Variants in RUNX1 observed in about 807,000 individuals in gnomAD.
RUNX1 encodes the protein RUNX family transcription factor 1, also known as runt-related transcription factor 1.
A neutral mutation model predicts 42.8 loss-of-function variants in RUNX1; 19 were observed. The observed-to-expected ratio is 0.44, with a 90% CI of 0.31 to 0.65. The LOEUF is 0.65. Among genes scored for constraint, RUNX1 ranks in the 30% least tolerant of loss-of-function variants. RUNX1 has a pLI of 0.07. For synonymous variants in RUNX1, 271 were observed against 289.4 expected (o/e 0.94, Z 0.64); for missense variants, 528 against 672.0 (o/e 0.79, Z 2.37).
chr21:35,001,479 T>G (rs2146876938), intron 2 of RUNX1, among the ~76,000 whole-genome samples: 1 of 152,158 alleles, frequency 6.6e-6, no homozygotes, highest in African/African-American at 2.4e-5. Context: ...TAAATATGCA[T>G]TAGGAGTAGA....
At chr21:35,028,946 A>G (rs1212437545) in intron 2 of RUNX1, among the ~76,000 whole-genome samples, 2 of 152,036 alleles carry the variant, frequency 1.3e-5, no homozygotes, top group Non-Finnish European at 2.9e-5. Context: ...GGGAGTGTAG[A>G]CCCCTAGCTC....
At chr21:35,032,582 G>A (rs2059280648) in intron 2 of RUNX1, among the ~76,000 whole-genome samples, 1 of 152,162 alleles carries the variant, frequency 6.6e-6, no homozygotes, top group Admixed American at 6.5e-5. Context: ...TCAATTTAAA[G>A]CCTGAGCCAA....
At chr21:34,829,774 AT>A (rs2057037506) in intron 7 of RUNX1, 1 of 152,216 alleles carries the variant, frequency 6.6e-6, no homozygotes, top group Non-Finnish European at 1.5e-5. Flanking sequence ...CAAACTTCAA[AT>A]TGCTAGAAGA....
intron 2 of RUNX1, among the ~76,000 whole-genome samples, chr21:34,926,232 T>C (rs1196487541): frequency 6.6e-6 from 1 of 151,932 alleles, no homozygotes; most frequent in African/African-American, 2.4e-5. Flanking sequence ...CCCAGCATTT[T>C]GTGAGGTCGA....
At chr21:35,032,657 T>TTCTCCTTGTGGGAAGG (rs1332942610) in intron 2 of RUNX1, among the ~76,000 whole-genome samples, 10 of 152,228 alleles carry the variant, frequency 6.6e-5, no homozygotes, top group African/African-American at 2.4e-4. Flanking sequence ...CCTTGCACAC[T>TTCTCCTTGTGGGAAGG]TGTCCAGCTT....
chr21:34,876,394 G>A (rs375482960), intron 5 of RUNX1, among the ~76,000 whole-genome samples: 1 of 152,152 alleles, frequency 6.6e-6, no homozygotes, highest in East Asian at 1.9e-4. Flanking sequence ...TCATTTTCAG[G>A]TGTCTACTAT....
At chr21:34,969,623 T>C (rs902857636) in intron 2 of RUNX1, among the ~76,000 whole-genome samples, 2 of 151,946 alleles carry the variant, frequency 1.3e-5, no homozygotes, top group Non-Finnish European at 2.9e-5. Flanking sequence ...TCTCAGTGAC[T>C]CTCCTGCATG....
At chr21:34,821,603 T>C in intron 7 of RUNX1, 3 of 1,547,604 alleles carry the variant, frequency 1.9e-6, no homozygotes, top group Non-Finnish European at 2.6e-6. Flanking sequence ...CTTCTGAGGA[T>C]GAGATGGAAA....
At chr21:34,869,633 G>A (rs1467376601) in intron 5 of RUNX1, among the ~76,000 whole-genome samples, 8 of 152,154 alleles carry the variant, frequency 5.3e-5, no homozygotes, top group African/African-American at 1.7e-4. Context: ...AGAAAAATAT[G>A]CATGGATGTT....
At chr21:34,882,693 T>C (rs915550015) in intron 4 of RUNX1, among the ~76,000 whole-genome samples, 78 of 83,468 alleles carry the variant, frequency 9.3e-4, no homozygotes, top group African/African-American at 4.6e-3. Context: ...TGCTACTGTT[T>C]TTTTTTTTTT....
At chr21:34,863,742 G>C (rs2057613965) in intron 5 of RUNX1, among the ~76,000 whole-genome samples, 1 of 151,918 alleles carries the variant, frequency 6.6e-6, no homozygotes, top group Non-Finnish European at 1.5e-5. Context: ...TTTTAGTAGA[G>C]ATGGGGTTTC....
chr21:34,833,291 AGTTG>A (rs2057090904), intron 7 of RUNX1: 1 of 152,164 alleles, frequency 6.6e-6, no homozygotes, highest in Non-Finnish European at 1.5e-5. Context: ...TTTTTAGTAG[AGTTG>A]GGGTTTCACC....
At chr21:35,001,525 AC>A (rs1347424178) in intron 2 of RUNX1, among the ~76,000 whole-genome samples, 1 of 152,094 alleles carries the variant, frequency 6.6e-6, no homozygotes, top group East Asian at 1.9e-4. Context: ...ATATATAGAA[AC>A]CCACAACTAA....
At chr21:34,933,186 T>C (rs1167576856) in intron 2 of RUNX1, among the ~76,000 whole-genome samples, 1 of 152,196 alleles carries the variant, frequency 6.6e-6, no homozygotes, top group African/African-American at 2.4e-5. Context: ...GTTGGGAACA[T>C]CTCGATGGTG....
chr21:35,031,628 G>A (rs746956930), intron 2 of RUNX1, among the ~76,000 whole-genome samples: 10 of 152,088 alleles, frequency 6.6e-5, no homozygotes, highest in East Asian at 1.9e-4. Flanking sequence ...AGTGTCCATC[G>A]ACAGATGAAT....
At chr21:35,022,198 G>A (rs963854430) in intron 2 of RUNX1, among the ~76,000 whole-genome samples, 4 of 152,198 alleles carry the variant, frequency 2.6e-5, no homozygotes, top group African/African-American at 9.7e-5. Flanking sequence ...GCAGCACCGG[G>A]CAAAGGAATG....
chr21:34,945,632 C>T (rs2058558459), intron 2 of RUNX1, among the ~76,000 whole-genome samples: 1 of 152,220 alleles, frequency 6.6e-6, no homozygotes, highest in Non-Finnish European at 1.5e-5. Flanking sequence ...CCTTGAAAAG[C>T]TCTCTATCCT....
intron 3 of RUNX1, chr21:34,889,932 C>T: frequency 1.1e-6 from 1 of 890,544 alleles, no homozygotes; most frequent in South Asian, 5.1e-5. Context: ...ATCCCGGCCC[C>T]GTTCCACCGC....
intron 2 of RUNX1, among the ~76,000 whole-genome samples, chr21:34,898,721 A>G (rs2058149714): frequency 1.3e-5 from 2 of 152,108 alleles, no homozygotes; most frequent in African/African-American, 4.8e-5. Flanking sequence ...ACTCACCTTT[A>G]AATTCCCTAG....
Sources: allele counts gnomAD v4.1 joint callset (sites outside exome capture counted in the v4.1 genomes callset), GRCh38; gene constraint gnomAD v4.1.1; transcripts MANE v1.5; gene names NCBI Gene and HGNC (gene_info 2026-07-23, HGNC 2026-07-21).